The following ADNP variants were observed in gnomAD, a reference collection of about 807,000 sequenced individuals.
ADNP encodes activity-dependent neuroprotector homeobox protein.
ADNP carries 4 observed loss-of-function variants against 84.9 expected under a neutral mutation model. The observed-to-expected ratio is 0.05, with a 90% CI of 0.02 to 0.11. The LOEUF (loss-of-function observed/expected upper bound fraction) is 0.11, where lower values mean the gene tolerates loss of function less well. Among genes scored for constraint, ADNP ranks in the 10% least tolerant of loss-of-function variants. The pLI is 1.00. For synonymous variants in ADNP, 554 were observed against 468.1 expected (o/e 1.18, Z -2.37); for missense variants, 1,132 against 1,326.0 (o/e 0.85, Z 2.27).
chr20:50,916,860 AAAAAC>A (rs1983549559), intron 2 of ADNP, among the ~76,000 whole-genome samples: 1 of 152,096 alleles, frequency 6.6e-6, no homozygotes, highest in South Asian at 2.1e-4. Context: ...AATGAGGGGG[AAAAAC>A]AAAACAAAAC....
intron 2 of ADNP, among the ~76,000 whole-genome samples, chr20:50,907,590 C>CAGAACATTCTACA (rs1555813309): frequency 1.3e-5 from 2 of 150,314 alleles, no homozygotes; most frequent in East Asian, 2.0e-4. Context: ...CATGTTAACT[C>CAGAACATTCTACA]ACGTTAACGC....
chr20:50,893,921 A>T lies in ADNP; in HGVS notation c.793T>A (p.Ser265Thr). The T allele has an allele frequency of 6.2e-7, 1 of 1,614,106 alleles. No individual in the cohort carries two copies. Among genetic ancestry groups the T allele is most frequent in the South Asian group, 1.1e-5 (1 of 91,082 alleles). The change falls in exon 6 of 6, where the codon TCC becomes ACC. Residue 265 changes from serine to threonine, a missense_variant. Physicochemically the swap from Ser to Thr is moderately conservative, Grantham distance 58. Around this residue, in one of 10 missense-constraint regions of ADNP, gnomAD observed 239 missense variants for 213.2 expected, o/e 1.12. Coordinates refer to ENST00000621696, the MANE Select transcript of ADNP (RefSeq NM_001282531.3). The surrounding 1 kb of genome is among the most constrained non-coding windows in gnomAD (Gnocchi z 4.4). ...GGAGCAATTAGCATCAAGGGTTTGG[A>T]TCGGGGAACCACTACATTTGTGTGC... ...IGHTNVVVPR[S>T]KPLMLIAPKP... is the part of the protein sequence containing the mutation.
intron 2 of ADNP, among the ~76,000 whole-genome samples, chr20:50,908,590 T>C (rs575775613): frequency 2.0e-4 from 30 of 151,968 alleles, no homozygotes; most frequent in East Asian, 1.9e-3. Context: ...CTGGCTAACA[T>C]GGTGAAACCC....
intron 4 of ADNP, among the ~76,000 whole-genome samples, chr20:50,902,414 CTG>C (rs1982075756): frequency 6.6e-6 from 1 of 152,112 alleles, no homozygotes; most frequent in Non-Finnish European, 1.5e-5. Context: ...CATTAGAGTA[CTG>C]TACTCTAACT....
At chr20:50,920,720 G>A (rs981734943) in intron 2 of ADNP, among the ~76,000 whole-genome samples, 7 of 152,118 alleles carry the variant, frequency 4.6e-5, no homozygotes, top group Admixed American at 4.6e-4. Flanking sequence ...ATAGGATACT[G>A]GGGTAAGAGT....
chr20:50,890,129 G>GT lies in ADNP; in HGVS notation c.*1275dup, dbSNP rs1980513165. ...AAAACTCAAGGGTGTTTGTTTTTCA[G>GT]TTAAAAAAAAAAAAAAAAAAAAAAA... is the stretch of plus-strand genomic sequence containing the variant. On this transcript the variant is annotated 3_prime_UTR_variant, in exon 6 of 6. Coordinates refer to ENST00000621696, the MANE Select transcript of ADNP (RefSeq NM_001282531.3). 6 of 50,292 alleles carry GT rather than the reference G, an allele frequency of 1.2e-4. No individual in the cohort carries two copies. The highest frequency in any genetic ancestry group is 8.2e-4 in the South Asian group (1 of 1,224). The allele number at this position is 50,292 out of a possible 1,614,324, so 3.1% of individuals were successfully genotyped here. A position where few individuals can be genotyped will look rare whatever the true frequency, so the allele number is the denominator to read the frequency against.
chr20:50,891,715 G>C lies in ADNP; in HGVS notation c.2999C>G (p.Ser1000Cys). 6.2e-7 allele frequency: 1 copy of C among 1,614,154 alleles called. No homozygotes were observed. Among genetic ancestry groups the C allele is most frequent in the Non-Finnish European group, 8.5e-7 (1 of 1,180,044 alleles). The change falls in exon 6 of 6, where the codon TCT (serine) becomes TGT (cysteine). Residue 1000 changes from serine to cysteine, a missense_variant. Ser to Cys is a moderately radical substitution (Grantham distance 112). Around this residue, in one of 10 missense-constraint regions of ADNP, gnomAD observed 381 missense variants for 319.9 expected, o/e 1.19. Coordinates refer to ENST00000621696, the MANE Select transcript of ADNP (RefSeq NM_001282531.3). ...GCTCCTTGCATCTTCGCTTTGGGAA[G>C]ACTCGTCAGACCAGGTTCCTGGTTT... ...EMKPGTWSDESSQSEDARSSK... is the reference protein window; with the variant it reads ...EMKPGTWSDECSQSEDARSSK...
Position 50,894,308 on chromosome 20 carries a change from G to A in ADNP, c.406C>T (p.Pro136Ser). ...KIFHAPNASA[P>S]SSSLSTFKDK... ...TTGAAAGTGCTGAGGCTGCTACTTG[G>A]TGCGCTGGCGTTCGGAGCATGAAAT... is the stretch of plus-strand genomic sequence containing the variant. The change falls in exon 6 of 6, where the codon CCA becomes TCA. Residue 136 changes from proline (P) to serine (S), a missense_variant. Physicochemically the swap from Pro to Ser is moderately conservative, Grantham distance 74. Around this residue, in one of 10 missense-constraint regions of ADNP, gnomAD observed 130 missense variants for 183.7 expected, o/e 0.71. Transcript: ENST00000621696. 1 of 1,613,658 alleles carries A rather than the reference G, an allele frequency of 6.2e-7. No individual in the cohort carries two copies. The highest frequency in any genetic ancestry group is 8.5e-7 in the Non-Finnish European group (1 of 1,179,900).
At position 50,893,874 on chromosome 20, in the gene ADNP, G is replaced by C; in HGVS notation, c.840C>G (p.Ser280Arg). 1.9e-6 allele frequency: 3 copies of C among 1,614,206 alleles called. No homozygotes were observed. Among genetic ancestry groups the C allele is most frequent in the Non-Finnish European group, 2.5e-6 (3 of 1,180,044 alleles). ...AACCGATCCTTGGTGGGAGTCCCAT[G>C]CTCTTCTTGTCTTGAGGTTTGGGAG... is the stretch of plus-strand genomic sequence containing the variant. ...LIAPKPQDKK[S>R]MGLPPRIGSL... The change falls in exon 6 of 6, where the codon AGC becomes AGG. Residue 280 changes from serine (S) to arginine (R), a missense_variant. By Grantham distance (110) the Ser-to-Arg change is moderately radical (BLOSUM62 -1). Around this residue, in one of 10 missense-constraint regions of ADNP, gnomAD observed 239 missense variants for 213.2 expected, o/e 1.12. Coordinates refer to ENST00000621696, the MANE Select transcript of ADNP (RefSeq NM_001282531.3). This position sits in a 1 kb window ranked among gnomAD's most constrained non-coding sequence, Gnocchi z 4.4.
chr20:50,922,232 A>T (rs1984001980), intron 2 of ADNP, among the ~76,000 whole-genome samples: 1 of 152,010 alleles, frequency 6.6e-6, no homozygotes, highest in Non-Finnish European at 1.5e-5. Context: ...AGTATCCTCT[A>T]ATTTGGTTCT....
At chr20:50,930,432 TG>T (rs542447487) in intron 1 of ADNP, among the ~76,000 whole-genome samples, 5 of 137,170 alleles carry the variant, frequency 3.6e-5, no homozygotes, top group Non-Finnish European at 6.3e-5. Context: ...GGGGTGTGCG[TG>T]GGGGGGCTCC....
intron 5 of ADNP, among the ~76,000 whole-genome samples, chr20:50,895,355 CA>C (rs1298091235): frequency 6.6e-6 from 1 of 152,088 alleles, no homozygotes; most frequent in African/African-American, 2.4e-5. Flanking sequence ...ATGATTAACA[CA>C]ATGGTAAATA....
rs71192505 is a variant in ADNP at position 50,890,161 on chromosome 20, A to AAAAAAAAAC, written c.*1243_*1244insGTTTTTTTT. On this transcript the variant is annotated 3_prime_UTR_variant, in exon 6 of 6. Coordinates refer to ENST00000621696, the MANE Select transcript of ADNP (RefSeq NM_001282531.3). Reference sequence around the variant, plus strand: ...AAAAAAAAAAAAAAAAAAAAAAAAAAGAAAAACAGATTTTGTACCAGGTGC... The same window carrying AAAAAAAAAC: ...AAAAAAAAAAAAAAAAAAAAAAAAAAAAAAAAAACGAAAAACAGATTTTGTACCAGGTGC... 1 of 181,132 alleles carries AAAAAAAAAC rather than the reference A, an allele frequency of 5.5e-6. No homozygotes were observed. The highest frequency in any genetic ancestry group is 1.0e-5 in the Non-Finnish European group (1 of 98,672). 11.2% of individuals were successfully genotyped at this position (181,132 alleles called of 1,614,324 possible).
chr20:50,907,829 C>T (rs918488299), intron 2 of ADNP, among the ~76,000 whole-genome samples: 2 of 150,814 alleles, frequency 1.3e-5, no homozygotes, highest in African/African-American at 4.9e-5. Flanking sequence ...AACTCCTGAG[C>T]TCAAGTGATC....
chr20:50,929,224 T>G (rs575940909), intron 1 of ADNP, among the ~76,000 whole-genome samples: 1 of 152,192 alleles, frequency 6.6e-6, no homozygotes, highest in Non-Finnish European at 1.5e-5. Context: ...AGGAAAGATA[T>G]GGTGACACAT....
rs1185165671 is a variant in ADNP, at chr20:50,892,099, T to C, written c.2615A>G (p.Asp872Gly). ...TTCAAAACTGTCTGAGGAACTGTCA[T>C]CTTCCTTCCCAAGGTTGAGCTTTTT... is the stretch of plus-strand genomic sequence containing the variant. ...ADKKLNLGKE[D>G]DSSSDSFENL... The change falls in exon 6 of 6, where the codon GAT becomes GGT. Residue 872 changes from aspartate to glycine, a missense_variant. By Grantham distance (94) the Asp-to-Gly change is moderately conservative. Around this residue, in one of 10 missense-constraint regions of ADNP, gnomAD observed 381 missense variants for 319.9 expected, o/e 1.19. Transcript: ENST00000621696. 6.2e-7 allele frequency: 1 copy of C among 1,614,180 alleles called. No homozygotes were observed. The highest frequency in any genetic ancestry group is 1.1e-5 in the South Asian group (1 of 91,078).
Position 50,893,874 on chromosome 20 carries a change from G to A in ADNP, c.840C>T (p.Ser280=). The change falls in exon 6 of 6, where the codon AGC becomes AGT. Residue 280 remains serine (S), a synonymous_variant. Transcript: ENST00000621696. The surrounding 1 kb of genome is among the most constrained non-coding windows in gnomAD (Gnocchi z 4.4). The part of the protein sequence containing the change: ...LIAPKPQDKK[S]MGLPPRIGSL... ...AACCGATCCTTGGTGGGAGTCCCAT[G>A]CTCTTCTTGTCTTGAGGTTTGGGAG... is the stretch of plus-strand genomic sequence containing the variant. 1 of 1,614,206 alleles carries A rather than the reference G, an allele frequency of 6.2e-7. No individual in the cohort carries two copies. The highest frequency in any genetic ancestry group is 1.3e-5 in the African/African-American group (1 of 75,050).
chr20:50,920,281 A>AAGAAAG (rs1555816097), intron 2 of ADNP, among the ~76,000 whole-genome samples: 2 of 139,164 alleles, frequency 1.4e-5, no homozygotes, highest in African/African-American at 5.7e-5. Context: ...AAAAAAAAAA[A>AAGAAAG]AAAGAAAGAA....
In ADNP at chr20:50,893,577, C is replaced by A. The variant is rs761934331; in HGVS notation, c.1137G>T (p.Gly379=). The A allele has an allele frequency of 5.0e-6, 8 of 1,614,076 alleles. No individual in the cohort carries two copies. In the South Asian group the frequency reaches 8.8e-5, roughly 18 times the overall value. ...CCTGGGACCTCTGCTCTGACCCAAGCCCATAAGACCTTCCGTTTCCACTTG... is the reference window on the plus strand; with the variant it reads ...CCTGGGACCTCTGCTCTGACCCAAGACCATAAGACCTTCCGTTTCCACTTG... ...LLPSGNGRSY[G]LGSEQRSQAP... is the part of the protein sequence containing the mutation. Residue 379 remains glycine (G), a synonymous_variant, in exon 6 of 6, where the codon GGG becomes GGT. Transcript: ENST00000621696. This position sits in a 1 kb window ranked among gnomAD's most constrained non-coding sequence, Gnocchi z 4.4.
Sources: gnomAD v4.1 joint callset for allele counts (sites outside exome capture counted in the v4.1 genomes callset) on GRCh38, gnomAD v4.1.1 for gene constraint, gnomAD v4.1.1 regional missense constraint, Gnocchi (gnomAD v3.1) non-coding constraint, MANE v1.5 for transcripts, NCBI Gene and HGNC (gene_info 2026-07-23, HGNC 2026-07-21) for gene names.